Variants in SNTG2 observed in about 807,000 individuals in gnomAD.
SNTG2 encodes gamma-2-syntrophin.
A neutral mutation model predicts 70.9 loss-of-function variants in SNTG2; 74 were observed. The ratio of observed to expected loss-of-function variants is 1.04; its 90% CI spans 0.86 to 1.27. The LOEUF is 1.27. SNTG2 is among the 50% of genes most tolerant of loss of function. The pLI is 0.00. For synonymous variants in SNTG2, 278 were observed against 273.8 expected (o/e 1.02, Z -0.15); for missense variants, 717 against 690.7 (o/e 1.04, Z -0.43).
intron 1 of SNTG2, among the ~76,000 whole-genome samples, chr2:1,071,591 T>C (rs1663556522): frequency 6.6e-6 from 1 of 151,022 alleles, no homozygotes; most frequent in East Asian, 2.0e-4. Flanking sequence ...GCACGGCACA[T>C]GTATACATAT....
At chr2:1,258,485 C>T (rs1391201052) in intron 12 of SNTG2, among the ~76,000 whole-genome samples, 1 of 152,180 alleles carries the variant, frequency 6.6e-6, no homozygotes, top group Non-Finnish European at 1.5e-5. Flanking sequence ...GTGTAACTTT[C>T]CACATTTCAG....
intron 2 of SNTG2, among the ~76,000 whole-genome samples, chr2:1,088,289 C>T (rs1447235937): frequency 6.6e-6 from 1 of 152,122 alleles, no homozygotes; most frequent in Admixed American, 6.5e-5. Flanking sequence ...TCTCAGATCC[C>T]AACACAGAAT....
intron 13 of SNTG2, among the ~76,000 whole-genome samples, chr2:1,266,625 G>A (rs150793887): frequency 2.0e-5 from 3 of 152,208 alleles, no homozygotes; most frequent in Non-Finnish European, 4.4e-5. Flanking sequence ...GAGAGGAAGA[G>A]CCAGTAATTC....
intron 1 of SNTG2, among the ~76,000 whole-genome samples, chr2:965,396 C>T (rs2147950476): frequency 6.7e-6 from 1 of 148,528 alleles, no homozygotes; most frequent in South Asian, 2.1e-4. Flanking sequence ...AGTCCTCCTC[C>T]TTGGACCCTT....
rs554567601 is a variant in SNTG2, at chr2:1,208,026, C to G, written c.592-1077C>G. ...CACCCTTCTGAGCCTCCAGAAAGCC[C>G]AGGTCTGTTTTCTCACGGCGCCCCT... On this transcript the variant is annotated intron_variant, in intron 8 of 16. Coordinates refer to ENST00000308624, the MANE Select transcript of SNTG2 (RefSeq NM_018968.4). Among the ~76,000 whole-genome samples the G allele has an allele frequency of 3.9e-5, 6 of 152,302 alleles. No individual in the cohort carries two copies. The South Asian group carries it at 1.0e-3, about 26-fold the overall frequency.
At chr2:1,361,462 C>T (rs1162455702) in intron 16 of SNTG2, among the ~76,000 whole-genome samples, 4 of 152,190 alleles carry the variant, frequency 2.6e-5, no homozygotes, top group African/African-American at 4.8e-5. Flanking sequence ...AAAAGTATCC[C>T]GCCTTCTTCA....
chr2:997,327 G>T (rs1327219117), intron 1 of SNTG2, among the ~76,000 whole-genome samples: 1 of 151,874 alleles, frequency 6.6e-6, no homozygotes, highest in Admixed American at 6.6e-5. Context: ...GAAGGACATG[G>T]TGAACATGTG....
intron 8 of SNTG2, among the ~76,000 whole-genome samples, chr2:1,175,888 A>G (rs1193540479): frequency 6.6e-6 from 1 of 152,218 alleles, no homozygotes; most frequent in African/African-American, 2.4e-5. Flanking sequence ...TGGTAAGTGC[A>G]GTGGAAAAGT....
At chr2:1,132,242 T>TACACAC (rs1311549914) in intron 4 of SNTG2, among the ~76,000 whole-genome samples, 1 of 116,924 alleles carries the variant, frequency 8.6e-6, no homozygotes, top group African/African-American at 2.5e-5. Flanking sequence ...TGTGTGTATA[T>TACACAC]ATATACACAC....
intron 16 of SNTG2, among the ~76,000 whole-genome samples, chr2:1,332,779 T>G (rs1297408942): frequency 6.6e-6 from 1 of 152,082 alleles, no homozygotes; most frequent in Non-Finnish European, 1.5e-5. Flanking sequence ...AAACCCTCAG[T>G]AAAATCAGCA....
At position 1,255,823 on chromosome 2, in the gene SNTG2, T is replaced by TATATATATAAATATATATAA. The variant is rs750209235; in HGVS notation, c.1006-3507_1006-3488dup. The stretch of plus-strand genomic sequence containing the variant: ...ATATATATACACAAAGTTGTATGTA[T>TATATATATAAATATATATAA]ATATATATAAATATATATAAATATA... On this transcript the variant is annotated intron_variant, in intron 12 of 16. Transcript: ENST00000308624. Among the ~76,000 whole-genome samples the TATATATATAAATATATATAA allele has an allele frequency of 3.0e-3, 217 of 73,212 alleles. 3 individuals are homozygous for TATATATATAAATATATATAA. Among genetic ancestry groups the TATATATATAAATATATATAA allele is most frequent in the African/African-American group, 9.9e-3 (193 of 19,560 alleles). 48.0% of individuals were successfully genotyped at this position (73,212 alleles called of 152,430 possible). A position where few individuals can be genotyped will look rare whatever the true frequency, so the allele number is the denominator to read the frequency against.
At chr2:1,315,608 T>G (rs912007659) in intron 15 of SNTG2, among the ~76,000 whole-genome samples, 4 of 152,172 alleles carry the variant, frequency 2.6e-5, no homozygotes, top group African/African-American at 9.7e-5. Context: ...TGCAGCCTTT[T>G]TTATTTATGG....
At chr2:1,091,930 C>G (rs1466667069) in intron 2 of SNTG2, among the ~76,000 whole-genome samples, 2 of 152,142 alleles carry the variant, frequency 1.3e-5, no homozygotes, top group African/African-American at 2.4e-5. Context: ...CTCCCTCAGC[C>G]TATTTAGGAA....
chr2:1,111,318 T>A (rs1423282390), intron 4 of SNTG2, among the ~76,000 whole-genome samples: 2 of 152,142 alleles, frequency 1.3e-5, no homozygotes, highest in Non-Finnish European at 2.9e-5. Context: ...CAGGTCAAAT[T>A]TAAATTCTGA....
rs373879596 is a variant in SNTG2, at chr2:1,168,093, C to T, written c.499+2458C>T. On this transcript the variant is annotated intron_variant, in intron 7 of 16. Transcript: ENST00000308624. ...GGCAGAACTGAAACCTACAGGCCGC[C>T]CACAGACGGCAGTACTGAAGCCTAC... is the stretch of plus-strand genomic sequence containing the variant. 2.2e-5 allele frequency among the ~76,000 whole-genome samples: 3 copies of T among 139,358 alleles called. No homozygotes were observed. The East Asian group carries it at 7.1e-4, about 33-fold the overall frequency. The allele number at this position is 139,358 out of a possible 152,430, so 91.4% of individuals were successfully genotyped here. A position where few individuals can be genotyped will look rare whatever the true frequency, so the allele number is the denominator to read the frequency against.
Position 1,316,114 on chromosome 2 carries a change from A to G in SNTG2, c.1378-151A>G, listed in dbSNP as rs183240709. On this transcript the variant is annotated intron_variant, in intron 15 of 16. Coordinates refer to ENST00000308624, the MANE Select transcript of SNTG2 (RefSeq NM_018968.4). ...TGCAAAGATTGAAGAATGAGAAAGT[A>G]GAGACAGACAAATCATCACATGCTA... 482 of 573,406 alleles carry G rather than the reference A, an allele frequency of 8.4e-4. 4 individuals carry two copies. The highest frequency in any genetic ancestry group is 8.3e-3 in the African/African-American group (436 of 52,756). The allele number at this position is 573,406 out of a possible 1,614,324, so 35.5% of individuals were successfully genotyped here.
chr2:1,304,480 A>C (rs4356697), intron 14 of SNTG2, among the ~76,000 whole-genome samples: 1 of 152,106 alleles, frequency 6.6e-6, no homozygotes, highest in African/African-American at 2.4e-5. Flanking sequence ...TAATCTCAGC[A>C]CTTTGGGAGG....
chr2:1,089,794 A>AT (rs1179106320), intron 2 of SNTG2, among the ~76,000 whole-genome samples: 2 of 152,240 alleles, frequency 1.3e-5, no homozygotes, highest in African/African-American at 4.8e-5. Flanking sequence ...AAACATTTTT[A>AT]TTTTTTTAAG....
At position 1,131,176 on chromosome 2, in the gene SNTG2, T is replaced by G. The variant is rs1383442995; in HGVS notation, c.326-6446T>G. ...CATTCTGGTCTGTTAAGATCATACA[T>G]GCACTGTCTGATTTATTCCTGGGTG... On this transcript the variant is annotated intron_variant, in intron 4 of 16. Coordinates refer to ENST00000308624, the MANE Select transcript of SNTG2 (RefSeq NM_018968.4). 3.9e-5 allele frequency among the ~76,000 whole-genome samples: 6 copies of G among 152,182 alleles called. No individual in the cohort carries two copies. The East Asian group carries it at 1.2e-3, about 29-fold the overall frequency.
Sources: allele counts gnomAD v4.1 joint callset (sites outside exome capture counted in the v4.1 genomes callset), GRCh38; gene constraint gnomAD v4.1.1; transcripts MANE v1.5; gene names NCBI Gene and HGNC (gene_info 2026-07-23, HGNC 2026-07-21).